C17orf67: variants seen among roughly 807,000 people sequenced by gnomAD.
The protein encoded by C17orf67 is uncharacterized protein C17orf67.
A neutral mutation model predicts 11.2 loss-of-function variants in C17orf67; 12 were observed. That is an observed-to-expected ratio of 1.07 (90% CI 0.68 to 1.73). The LOEUF (loss-of-function observed/expected upper bound fraction) is 1.73. Among genes scored for constraint, C17orf67 ranks in the 40% most tolerant of loss-of-function variants. The probability of loss-of-function intolerance (pLI) is 0.00; values close to 1 mark genes in which losing one functional copy is unlikely to be tolerated. For synonymous variants in C17orf67, 59 were observed against 46.9 expected (o/e 1.26, Z -1.05); for missense variants, 115 against 113.5 (o/e 1.01, Z -0.06).
chr17:56,815,664 T>A (rs1905741931), intron 5 of C17orf67, 92 bp downstream of exon 5: 3 of 1,071,326 alleles, frequency 2.8e-6, no homozygotes, highest in Non-Finnish European at 3.7e-6. Context: ...ATATACACTA[T>A]ATATTATTTA....
chr17:56,830,300 G>C (rs1193702761), intron 2 of C17orf67, among the ~76,000 whole-genome samples: 1 of 150,760 alleles, frequency 6.6e-6, no homozygotes, highest in Non-Finnish European at 1.5e-5. Context: ...AGCCAAGATC[G>C]CACCACTGCA....
chr17:56,825,675 T>A lies in C17orf67; in HGVS notation c.-556-354A>T, dbSNP rs116062050. ...TTATACACACTGTAAGCTATATTCA[T>A]AGAATGGAGTATAATGTAGCCATTA... is the stretch of plus-strand genomic sequence containing the variant. On this transcript the variant is annotated intron_variant, in intron 2 of 7. Transcript: ENST00000397861. 3.3e-3 allele frequency among the ~76,000 whole-genome samples: 509 copies of A among 152,282 alleles called. 6 individuals are homozygous for A. The highest frequency in any genetic ancestry group is 0.012 in the African/African-American group (488 of 41,562).
chr17:56,804,599 C>T (rs1023328061), intron 6 of C17orf67, among the ~76,000 whole-genome samples: 1 of 152,284 alleles, frequency 6.6e-6, no homozygotes, highest in African/African-American at 2.4e-5. Flanking sequence ...AACATGAAAG[C>T]ATATTTTACA....
chr17:56,795,197 C>T lies in C17orf67; in HGVS notation c.157-17G>A, dbSNP rs1213193365. ...CATGTATTCCTGTCAAAACAAACCA[C>T]ACTGAAGAAGGCTTCACCCACAGTG... On this transcript the variant is annotated splice_polypyrimidine_tract_variant and intron_variant, in intron 6 of 7. Transcript: ENST00000397861. 3 of 1,610,588 alleles carry T rather than the reference C, an allele frequency of 1.9e-6. No individual in the cohort carries two copies. The Admixed American group carries it at 5.0e-5, about 27-fold the overall frequency.
chr17:56,805,706 TA>T (rs1050253551), intron 6 of C17orf67, among the ~76,000 whole-genome samples: 1 of 152,170 alleles, frequency 6.6e-6, no homozygotes, highest in African/African-American at 2.4e-5. Context: ...CTTAAAATAT[TA>T]AAAGTACTTT....
chr17:56,808,472 T>C (rs1354809494), intron 6 of C17orf67, among the ~76,000 whole-genome samples: 3 of 152,148 alleles, frequency 2.0e-5, no homozygotes, highest in African/African-American at 2.4e-5. Flanking sequence ...CCTTCTCTCT[T>C]ACCCAGAGCC....
intron 4 of C17orf67, among the ~76,000 whole-genome samples, chr17:56,817,200 A>C (rs1413477896): frequency 6.6e-6 from 1 of 152,140 alleles, no homozygotes; most frequent in Non-Finnish European, 1.5e-5. Context: ...AAAGCATGTG[A>C]CATTTATTTG....
chr17:56,816,454 G>A (rs958852932), intron 4 of C17orf67, among the ~76,000 whole-genome samples: 2 of 152,180 alleles, frequency 1.3e-5, no homozygotes, highest in African/African-American at 4.8e-5. Flanking sequence ...ACCTTGTGGG[G>A]TGCAATAAAG....
chr17:56,813,471 C>G (rs943587044), intron 6 of C17orf67, among the ~76,000 whole-genome samples: 2 of 151,888 alleles, frequency 1.3e-5, no homozygotes, highest in Admixed American at 1.3e-4. Flanking sequence ...GTCTCAAACT[C>G]TCTAACACCC....
intron 6 of C17orf67, 56 bp from the exon 7 acceptor site, chr17:56,795,236 C>A: frequency 6.6e-7 from 1 of 1,504,142 alleles, no homozygotes. Context: ...GCCAAGGGAT[C>A]AATATGCGTG....
chr17:56,826,758 T>A (rs1454192380), intron 2 of C17orf67, among the ~76,000 whole-genome samples: 3 of 152,264 alleles, frequency 2.0e-5, no homozygotes, highest in Non-Finnish European at 4.4e-5. Context: ...TGAAGCTGAC[T>A]TAGTTGACCA....
intron 6 of C17orf67, among the ~76,000 whole-genome samples, chr17:56,810,225 C>A (rs1905585296): frequency 1.4e-5 from 2 of 147,662 alleles, no homozygotes; most frequent in South Asian, 4.3e-4. Context: ...CATCACACCC[C>A]TCACATACAT....
chr17:56,830,472 C>T (rs1906168867), intron 2 of C17orf67, among the ~76,000 whole-genome samples: 1 of 151,810 alleles, frequency 6.6e-6, no homozygotes, highest in South Asian at 2.1e-4. Context: ...TTTCAAAAAA[C>T]AAAATTAATA....
chr17:56,798,199 C>T (rs1320869928), intron 6 of C17orf67, among the ~76,000 whole-genome samples: 1 of 152,238 alleles, frequency 6.6e-6, no homozygotes, highest in Non-Finnish European at 1.5e-5. Context: ...CTGCCTCTGC[C>T]CAGCTTAGGC....
At chr17:56,815,171 C>G (rs1171134422) in intron 5 of C17orf67, among the ~76,000 whole-genome samples, 1 of 152,226 alleles carries the variant, frequency 6.6e-6, no homozygotes, top group Non-Finnish European at 1.5e-5. Flanking sequence ...TTACTCAGAG[C>G]AAAAGCTGCA....
chr17:56,807,496 G>A (rs544602433), intron 6 of C17orf67, among the ~76,000 whole-genome samples: 2 of 152,242 alleles, frequency 1.3e-5, no homozygotes, highest in Admixed American at 6.5e-5. Context: ...CATGTCTGAC[G>A]GGATCCCAGG....
intron 2 of C17orf67, among the ~76,000 whole-genome samples, chr17:56,827,884 C>A (rs894993831): frequency 6.6e-6 from 1 of 152,172 alleles, no homozygotes; most frequent in Admixed American, 6.5e-5. Flanking sequence ...CTGTGGTTTT[C>A]GAACCGCCTC....
At position 56,817,086 on chromosome 17, in the gene C17orf67, G is replaced by A. The variant is rs187039307; in HGVS notation, c.-200-1076C>T. ...GACCAGGTTGGTTTCAAACTCCTGGGCTCAAGTGATCCTCCTGCCTCAGCC... is the reference window on the plus strand; with the variant it reads ...GACCAGGTTGGTTTCAAACTCCTGGACTCAAGTGATCCTCCTGCCTCAGCC... On this transcript the variant is annotated intron_variant, in intron 4 of 7. Transcript: ENST00000397861. 3.6e-3 allele frequency among the ~76,000 whole-genome samples: 543 copies of A among 152,108 alleles called. 6 individuals are homozygous for A. The highest frequency in any genetic ancestry group is 0.013 in the African/African-American group (523 of 41,470).
chr17:56,829,322 CAAA>C (rs1906128321), intron 2 of C17orf67, among the ~76,000 whole-genome samples: 1 of 152,036 alleles, frequency 6.6e-6, no homozygotes. Flanking sequence ...TTCAAGAACT[CAAA>C]GAAGAGAGGT....
Sources: allele counts gnomAD v4.1 joint callset (sites outside exome capture counted in the v4.1 genomes callset), GRCh38; gene constraint gnomAD v4.1.1; transcripts MANE v1.5; gene names NCBI Gene and HGNC (gene_info 2026-07-23, HGNC 2026-07-21).